FAM193A: variants seen among roughly 807,000 people sequenced by gnomAD.
FAM193A encodes family with sequence similarity 193 member A, also known as protein FAM193A.
A neutral mutation model predicts 126.5 loss-of-function variants in FAM193A; 22 were observed. That is an observed-to-expected ratio of 0.17 (90% CI 0.12 to 0.25). The LOEUF (loss-of-function observed/expected upper bound fraction) is 0.25, where lower values mean the gene tolerates loss of function less well. Among genes scored for constraint, FAM193A ranks in the 10% least tolerant of loss-of-function variants. The pLI is 1.00. For missense variants in FAM193A, 1,675 were observed against 1,672.8 expected (o/e 1.00, Z -0.02); for synonymous variants, 761 against 646.8 (o/e 1.18, Z -2.68).
chr4:2,646,818 T>A lies in FAM193A; in HGVS notation c.1297T>A (p.Tyr433Asn). ...GGAGTGCCAGAAGAGGATCGACGCC[T>A]ATGTCGACGAGCAGGTGAGTGCCAC... ...WLECQKRIDA[Y>N]VDEQMTMKTK... Residue 433 changes from tyrosine to asparagine, a missense_variant, in exon 7 of 21, where the codon TAT (tyrosine) becomes AAT (asparagine). Tyr to Asn is a moderately radical substitution (Grantham distance 143). Coordinates refer to ENST00000637812, the MANE Select transcript of FAM193A (RefSeq NM_001366318.2). 1 of 1,612,420 alleles carries A rather than the reference T, an allele frequency of 6.2e-7. No individual in the cohort carries two copies. The highest frequency in any genetic ancestry group is 8.5e-7 in the Non-Finnish European group (1 of 1,179,290).
chr4:2,646,621 T>C (rs1745167663), intron 6 of FAM193A, 64 bp from the exon 7 acceptor site: 5 of 1,494,734 alleles, frequency 3.3e-6, no homozygotes, highest in Non-Finnish European at 4.5e-6. Flanking sequence ...AGGAAGCACA[T>C]TTCTGATCTC....
intron 1 of FAM193A, among the ~76,000 whole-genome samples, chr4:2,537,821 G>A (rs1736981804): frequency 6.6e-6 from 1 of 152,190 alleles, no homozygotes; most frequent in Non-Finnish European, 1.5e-5. Flanking sequence ...TAAGTTTTCA[G>A]GGGTATTTAG....
At chr4:2,689,079 A>G (rs958400825) in intron 13 of FAM193A, among the ~76,000 whole-genome samples, 3 of 152,254 alleles carry the variant, frequency 2.0e-5, no homozygotes, top group Non-Finnish European at 2.9e-5. Context: ...TTGCCTGGGT[A>G]TAAGAGGTCA....
intron 6 of FAM193A, among the ~76,000 whole-genome samples, chr4:2,642,320 A>T (rs958553096): frequency 6.6e-6 from 1 of 151,796 alleles, no homozygotes; most frequent in Non-Finnish European, 1.5e-5. Flanking sequence ...CACACAAAAA[A>T]ATCAGAACAA....
chr4:2,661,269 C>T (rs1183161297), intron 10 of FAM193A, among the ~76,000 whole-genome samples: 1 of 152,136 alleles, frequency 6.6e-6, no homozygotes, highest in Non-Finnish European at 1.5e-5. Context: ...TGAAAATCTC[C>T]AGTGTTATCT....
At chr4:2,623,029 T>C (rs1742648305) in intron 2 of FAM193A, among the ~76,000 whole-genome samples, 1 of 151,944 alleles carries the variant, frequency 6.6e-6, no homozygotes, top group Non-Finnish European at 1.5e-5. Context: ...CCCCTACCAC[T>C]GCTGTCCCGC....
rs149980051 is a variant in FAM193A, at chr4:2,694,974, G to A, written c.3121G>A (p.Glu1041Lys). The change falls in exon 17 of 21, where the codon GAG becomes AAG. Residue 1041 changes from glutamate to lysine, a missense_variant. Coordinates refer to ENST00000637812, the MANE Select transcript of FAM193A (RefSeq NM_001366318.2). Reference sequence around the variant, plus strand: ...CCCTGACTGCGAAGGGCACCGCTGCGAGAATGGTGTCTACGACCCACAGCA... The same window carrying A: ...CCCTGACTGCGAAGGGCACCGCTGCAAGAATGGTGTCTACGACCCACAGCA... ...SDPDCEGHRC[E>K]NGVYDPQQDD... 6.2e-4 allele frequency: 994 copies of A among 1,603,770 alleles called. 1 individual carries two copies. The highest frequency in any genetic ancestry group is 8.0e-4 in the Non-Finnish European group (937 of 1,175,776).
At chr4:2,645,687 C>T (rs552837356) in intron 6 of FAM193A, among the ~76,000 whole-genome samples, 1 of 152,042 alleles carries the variant, frequency 6.6e-6, no homozygotes, top group African/African-American at 2.4e-5. Flanking sequence ...CCACCACACC[C>T]AGCTAATTTT....
chr4:2,664,560 T>TTC (rs1313979620), intron 12 of FAM193A, among the ~76,000 whole-genome samples: 10 of 115,438 alleles, frequency 8.7e-5, no homozygotes, highest in African/African-American at 2.3e-4. Context: ...TTTTCTTTCT[T>TTC]TTTTTTTTTT....
chr4:2,565,624 G>A lies in FAM193A; in HGVS notation c.255+28454G>A, dbSNP rs140363971. Among the ~76,000 whole-genome samples the A allele has an allele frequency of 1.4e-3, 210 of 152,198 alleles. 1 individual carries two copies. The highest frequency in any genetic ancestry group is 4.9e-3 in the African/African-American group (205 of 41,540). On this transcript the variant is annotated intron_variant, in intron 1 of 20. Coordinates refer to ENST00000637812, the MANE Select transcript of FAM193A (RefSeq NM_001366318.2). Reference sequence around the variant, plus strand: ...GTCAGGTAAGAAACAAAGGTAGAAAGAGATTCTTGGGTAGGGCAGGATTGC... The same window carrying A: ...GTCAGGTAAGAAACAAAGGTAGAAAAAGATTCTTGGGTAGGGCAGGATTGC...
At chr4:2,543,747 A>G (rs1737374084) in intron 1 of FAM193A, among the ~76,000 whole-genome samples, 1 of 151,548 alleles carries the variant, frequency 6.6e-6, no homozygotes, top group South Asian at 2.1e-4. Flanking sequence ...AATCTCAGCT[A>G]CTCAGGAGGC....
At chr4:2,606,396 T>C (rs1741554316) in intron 2 of FAM193A, among the ~76,000 whole-genome samples, 1 of 152,240 alleles carries the variant, frequency 6.6e-6, no homozygotes, top group East Asian at 1.9e-4. Flanking sequence ...GCTGGTTTCT[T>C]ATATCTGCCT....
At chr4:2,568,424 G>A (rs1157321332) in intron 1 of FAM193A, among the ~76,000 whole-genome samples, 1 of 152,198 alleles carries the variant, frequency 6.6e-6, no homozygotes, top group Non-Finnish European at 1.5e-5. Context: ...GGAGGCTGAG[G>A]AGGGAGGATC....
chr4:2,596,044 G>A (rs1309652242), intron 1 of FAM193A, 40 bp from the exon 2 acceptor site: 1 of 674,510 alleles, frequency 1.5e-6, no homozygotes, highest in Non-Finnish European at 2.7e-6. Context: ...TGGCTTTGTA[G>A]ATGAGGTTTT....
intron 1 of FAM193A, among the ~76,000 whole-genome samples, chr4:2,542,279 A>G (rs1737282055): frequency 6.6e-6 from 1 of 152,148 alleles, no homozygotes; most frequent in Non-Finnish European, 1.5e-5. Context: ...TGCTGGGATT[A>G]CAGGCGTGAG....
intron 2 of FAM193A, among the ~76,000 whole-genome samples, chr4:2,600,034 G>C (rs1741105725): frequency 6.6e-6 from 1 of 152,166 alleles, no homozygotes; most frequent in Non-Finnish European, 1.5e-5. Flanking sequence ...CGAGTACCGG[G>C]GACTATAGGC....
At chr4:2,660,780 C>T (rs1407213782) in intron 10 of FAM193A, among the ~76,000 whole-genome samples, 1 of 152,214 alleles carries the variant, frequency 6.6e-6, no homozygotes, top group Non-Finnish European at 1.5e-5. Flanking sequence ...TTCATTCCTT[C>T]TGTCTGGATT....
At position 2,696,162 on chromosome 4, in the gene FAM193A, G is replaced by C. The variant is rs1260255794; in HGVS notation, c.3277-201G>C. On this transcript the variant is annotated intron_variant, in intron 17 of 20. Coordinates refer to ENST00000637812, the MANE Select transcript of FAM193A (RefSeq NM_001366318.2). ...GGTTTTTCATGAATATGTAAAATTTGAGAGTAGGTATCAAAATGCCACTTT... is the reference window on the plus strand; with the variant it reads ...GGTTTTTCATGAATATGTAAAATTTCAGAGTAGGTATCAAAATGCCACTTT... The C allele has an allele frequency of 7.8e-6, 4 of 513,878 alleles. No homozygotes were observed. The Admixed American group carries it at 1.4e-4, about 19-fold the overall frequency. 31.8% of individuals were successfully genotyped at this position (513,878 alleles called of 1,614,324 possible).
intron 1 of FAM193A, among the ~76,000 whole-genome samples, chr4:2,565,986 A>G (rs952522600): frequency 3.3e-5 from 5 of 152,206 alleles, no homozygotes; most frequent in Non-Finnish European, 7.3e-5. Flanking sequence ...TATTTTTGAG[A>G]AAAAGAAACA....
Sources: allele counts gnomAD v4.1 joint callset (sites outside exome capture counted in the v4.1 genomes callset), GRCh38; gene constraint gnomAD v4.1.1; transcripts MANE v1.5; gene names NCBI Gene and HGNC (gene_info 2026-07-23, HGNC 2026-07-21).